KIRREL3: variants seen among roughly 807,000 people sequenced by gnomAD.
The protein encoded by KIRREL3 is kirre like nephrin family adhesion molecule 3.
A neutral mutation model predicts 89.7 loss-of-function variants in KIRREL3; 36 were observed. The observed-to-expected ratio is 0.40, with a 90% CI of 0.31 to 0.53. The LOEUF is 0.53. KIRREL3 is among the 20% of genes least tolerant of loss of function. KIRREL3 has a pLI of 0.49. For synonymous variants in KIRREL3, 445 were observed against 441.4 expected, an observed-to-expected ratio of 1.01 and a Z score of -0.10; for missense variants, 864 against 1,056.6, an observed-to-expected ratio of 0.82 and a Z score of 2.53.
chr11:126,914,669 G>T (rs1004615385), intron 1 of KIRREL3, among the ~76,000 whole-genome samples: 1 of 152,184 alleles, frequency 6.6e-6, no homozygotes, highest in African/African-American at 2.4e-5. Context: ...GGTAGCATAC[G>T]CCACTTTTTC....
rs1948511739 is a variant in KIRREL3 at position 126,729,179 on chromosome 11, G to A, written c.56-166267C>T. 6.6e-6 allele frequency among the ~76,000 whole-genome samples: 1 copy of A among 152,256 alleles called. No homozygotes were observed. The highest frequency in any genetic ancestry group is 2.4e-5 in the African/African-American group (1 of 41,468). ...GAATGTGTGGTTGGAGCAAAAAGAT[G>A]AAGAGTGAGTCTAAGAGGTCATGAA... On this transcript the variant is annotated intron_variant, in intron 1 of 16. Coordinates refer to ENST00000525144, the MANE Select transcript of KIRREL3 (RefSeq NM_032531.4). The surrounding 1 kb of genome is among the most constrained non-coding windows in gnomAD (Gnocchi z 4.5).
Position 126,594,356 on chromosome 11 carries a change from C to T in KIRREL3, c.56-31444G>A, listed in dbSNP as rs962745073. Among the ~76,000 whole-genome samples, 6 of 152,134 alleles carry T rather than the reference C, an allele frequency of 3.9e-5. No homozygotes were observed. The highest frequency in any genetic ancestry group is 1.4e-4 in the African/African-American group (6 of 41,412). On this transcript the variant is annotated intron_variant, in intron 1 of 16. Transcript: ENST00000525144. This position sits in a 1 kb window ranked among gnomAD's most constrained non-coding sequence, Gnocchi z 5.0. ...TTCTACCTGGATGAATTCCATCTCCCTCACTGGACCAGAAGCTCCTCGAGG... is the reference window on the plus strand; with the variant it reads ...TTCTACCTGGATGAATTCCATCTCCTTCACTGGACCAGAAGCTCCTCGAGG...
rs573997122 is a variant in KIRREL3 at position 126,609,769 on chromosome 11, C to T, written c.56-46857G>A. Among the ~76,000 whole-genome samples, 98 of 152,214 alleles carry T rather than the reference C, an allele frequency of 6.4e-4. No homozygotes were observed. The highest frequency in any genetic ancestry group is 2.3e-3 in the African/African-American group (95 of 41,516). On this transcript the variant is annotated intron_variant, in intron 1 of 16. Coordinates refer to ENST00000525144, the MANE Select transcript of KIRREL3 (RefSeq NM_032531.4). The surrounding 1 kb of genome is among the most constrained non-coding windows in gnomAD (Gnocchi z 5.0). ...TGTGGCTACAAGGTTTCAGAGCTCC[C>T]CAGTATTCTAATATACAGCAAAAGT...
chr11:126,658,110 C>T (rs554277753), intron 1 of KIRREL3, among the ~76,000 whole-genome samples: 6 of 152,296 alleles, frequency 3.9e-5, no homozygotes, highest in South Asian at 4.1e-4. Flanking sequence ...CTTTAAGACT[C>T]GCAGCTTCAA....
chr11:126,572,664 C>T lies in KIRREL3; in HGVS notation c.56-9752G>A, dbSNP rs138438666. 1.0e-3 allele frequency among the ~76,000 whole-genome samples: 155 copies of T among 152,242 alleles called. 4 individuals carry two copies. The East Asian group carries it at 0.027, about 26-fold the overall frequency. On this transcript the variant is annotated intron_variant, in intron 1 of 16. Transcript: ENST00000525144. The stretch of plus-strand genomic sequence containing the variant: ...CTGAGAAGCCCTTGTGGGAGTGAGG[C>T]TCCTGGAGAGCCCCTTTCTCAGGGA...
intron 4 of KIRREL3, among the ~76,000 whole-genome samples, chr11:126,497,289 T>TGAGAGA (rs138364553): frequency 6.6e-6 from 1 of 150,672 alleles, no homozygotes; most frequent in Non-Finnish European, 1.5e-5. Flanking sequence ...GGTGTGTGTG[T>TGAGAGA]GAGAGAGAGA....
intron 1 of KIRREL3, among the ~76,000 whole-genome samples, chr11:126,957,761 A>T (rs1415070964): frequency 2.0e-5 from 3 of 152,238 alleles, no homozygotes; most frequent in African/African-American, 7.2e-5. Flanking sequence ...ATCTGTGTAC[A>T]CAGACAGTTA....
Position 126,943,258 on chromosome 11 carries a change from T to C in KIRREL3, c.55+57197A>G, listed in dbSNP as rs1334828398. ...TGGTAAAACATTCACCGTCATTCTT[T>C]CTCTCTTCTCACTCACTCAATTACA... On this transcript the variant is annotated intron_variant, in intron 1 of 16. Transcript: ENST00000525144. The surrounding 1 kb of genome is among the most constrained non-coding windows in gnomAD (Gnocchi z 4.2). Among the ~76,000 whole-genome samples the C allele has an allele frequency of 2.0e-5, 3 of 152,146 alleles. No individual in the cohort carries two copies. Among genetic ancestry groups the C allele is most frequent in the African/African-American group, 7.2e-5 (3 of 41,424 alleles).
chr11:126,951,616 G>T (rs2135148844), intron 1 of KIRREL3, among the ~76,000 whole-genome samples: 1 of 152,330 alleles, frequency 6.6e-6, no homozygotes, highest in African/African-American at 2.4e-5. Context: ...ATAAGGCTGA[G>T]GCCCCAATGA....
In KIRREL3 at chr11:126,476,094, G is replaced by A. The variant is rs1159054077; in HGVS notation, c.434-2628C>T. On this transcript the variant is annotated intron_variant, in intron 4 of 16. Transcript: ENST00000525144. This position sits in a 1 kb window ranked among gnomAD's most constrained non-coding sequence, Gnocchi z 6.4. ...TCTCAGGGTGGCTTCAGGTGCAAAC[G>A]TGAGAGCTCGGAGGATCTGGGAACT... Among the ~76,000 whole-genome samples the A allele has an allele frequency of 6.6e-6, 1 of 152,234 alleles. No homozygotes were observed. The highest frequency in any genetic ancestry group is 2.4e-5 in the African/African-American group (1 of 41,464).
chr11:126,923,202 T>TTTTCTTCTTCTTC (rs1947480204), intron 1 of KIRREL3, among the ~76,000 whole-genome samples: 1 of 7,742 alleles, frequency 1.3e-4, no homozygotes, highest in South Asian at 6.0e-3. Flanking sequence ...CTTCTTCTTC[T>TTTTCTTCTTCTTC]TCTTCTTCTT....
intron 1 of KIRREL3, among the ~76,000 whole-genome samples, chr11:126,603,204 G>A (rs139959337): frequency 6.6e-6 from 1 of 152,368 alleles, no homozygotes; most frequent in East Asian, 1.9e-4. Flanking sequence ...AGGACTCCCT[G>A]TTTAGCATAG....
At chr11:126,650,259 C>T (rs1016203885) in intron 1 of KIRREL3, among the ~76,000 whole-genome samples, 3 of 152,240 alleles carry the variant, frequency 2.0e-5, no homozygotes, top group African/African-American at 4.8e-5. Flanking sequence ...TCTCCATCAT[C>T]GTGGGGATTA....
chr11:126,988,695 C>T (rs951786436), intron 1 of KIRREL3, among the ~76,000 whole-genome samples: 4 of 152,254 alleles, frequency 2.6e-5, no homozygotes, highest in African/African-American at 9.6e-5. Context: ...TCTGTCTAAG[C>T]CTCAGTAGTT....
chr11:126,663,900 A>G (rs1472122743), intron 1 of KIRREL3, among the ~76,000 whole-genome samples: 1 of 152,240 alleles, frequency 6.6e-6, no homozygotes, highest in Non-Finnish European at 1.5e-5. Context: ...TGCTCTGACT[A>G]TAAGCATAGG....
Position 126,860,523 on chromosome 11 carries a change from G to A in KIRREL3, c.55+139932C>T, listed in dbSNP as rs141017489. The stretch of plus-strand genomic sequence containing the variant: ...GAGAAGTGCATGACCTTCTCAAGAC[G>A]TAGTGATTGCTCTGGGTGTGGCCAG... On this transcript the variant is annotated intron_variant, in intron 1 of 16. Coordinates refer to ENST00000525144, the MANE Select transcript of KIRREL3 (RefSeq NM_032531.4). This position sits in a 1 kb window ranked among gnomAD's most constrained non-coding sequence, Gnocchi z 4.6. Among the ~76,000 whole-genome samples the A allele has an allele frequency of 6.7e-4, 102 of 152,316 alleles. No individual in the cohort carries two copies. Among genetic ancestry groups the A allele is most frequent in the African/African-American group, 1.9e-3 (81 of 41,576 alleles).
In KIRREL3 at chr11:126,671,235, CTT is replaced by C. The variant is rs141912968; in HGVS notation, c.56-108325_56-108324del. Among the ~76,000 whole-genome samples the C allele has an allele frequency of 2.3e-3, 311 of 136,278 alleles. 1 individual carries two copies. The highest frequency in any genetic ancestry group is 5.4e-3 in the African/African-American group (200 of 36,702). 89.4% of individuals were successfully genotyped at this position (136,278 alleles called of 152,430 possible). A position where few individuals can be genotyped will look rare whatever the true frequency, so the allele number is the denominator to read the frequency against. On this transcript the variant is annotated intron_variant, in intron 1 of 16. Transcript: ENST00000525144. ...CTTAGATTGGTGATGAGTTTTTCTC[CTT>C]TTTTTTTTTTTTTTGAGTCGAGGTC...
Position 126,704,795 on chromosome 11 carries a change from T to C in KIRREL3, c.56-141883A>G, listed in dbSNP as rs572893427. ...GCTTGATACAGGAACCACATCAGAATTGGTGACAAAACAAGCTGGGGGGCT... is the reference window on the plus strand; with the variant it reads ...GCTTGATACAGGAACCACATCAGAACTGGTGACAAAACAAGCTGGGGGGCT... On this transcript the variant is annotated intron_variant, in intron 1 of 16. Transcript: ENST00000525144. The surrounding 1 kb of genome is among the most constrained non-coding windows in gnomAD (Gnocchi z 4.2). Among the ~76,000 whole-genome samples, 1 of 152,302 alleles carries C rather than the reference T, an allele frequency of 6.6e-6. No homozygotes were observed. The highest frequency in any genetic ancestry group is 1.5e-5 in the Non-Finnish European group (1 of 68,026).
Position 126,431,104 on chromosome 11 carries a change from C to T in KIRREL3, c.1696+315G>A. The T allele has an allele frequency of 7.1e-7, 1 of 1,404,586 alleles. No individual in the cohort carries two copies. The highest frequency in any genetic ancestry group is 9.2e-7 in the Non-Finnish European group (1 of 1,082,724). 87.0% of individuals were successfully genotyped at this position (1,404,586 alleles called of 1,614,324 possible). A position where few individuals can be genotyped will look rare whatever the true frequency, so the allele number is the denominator to read the frequency against. On this transcript the variant is annotated intron_variant, in intron 14 of 16. Transcript: ENST00000525144. The surrounding 1 kb of genome is among the most constrained non-coding windows in gnomAD (Gnocchi z 7.1). ...CTCTTGTAGAGCAAGGATCAAACCA[C>T]AAACCGCTTTTCCCCCTATCTTTCT... is the stretch of plus-strand genomic sequence containing the variant.
Sources: allele counts gnomAD v4.1 joint callset (sites outside exome capture counted in the v4.1 genomes callset), GRCh38; gene constraint gnomAD v4.1.1; non-coding constraint Gnocchi (gnomAD v3.1); transcripts MANE v1.5; gene names NCBI Gene and HGNC (gene_info 2026-07-23, HGNC 2026-07-21).